SNX24: variants seen among roughly 807,000 people sequenced by gnomAD.
The protein encoded by SNX24 is sorting nexin 24, also known as sorting nexin-24.
In SNX24, 22 loss-of-function variants were observed where a neutral mutation model predicts 28.7. The ratio of observed to expected loss-of-function variants is 0.77; its 90% confidence interval spans 0.55 to 1.10. The LOEUF (loss-of-function observed/expected upper bound fraction) is 1.10, where lower values mean the gene tolerates loss of function less well. SNX24 is among the 50% of genes least tolerant of loss of function. SNX24 has a pLI of 0.00. For missense variants in SNX24, 221 were observed against 201.1 expected, an observed-to-expected ratio of 1.10 and a Z score of -0.60; for synonymous variants, 69 against 71.5, an observed-to-expected ratio of 0.96 and a Z score of 0.18.
At chr5:122,848,866 C>T (rs1650318922) in intron 1 of SNX24, among the ~76,000 whole-genome samples, 1 of 152,108 alleles carries the variant, frequency 6.6e-6, no homozygotes, top group Non-Finnish European at 1.5e-5. Context: ...GAATTTTTTC[C>T]TTGTGCTGTG....
chr5:123,025,618 C>T (rs1762839486), intron 5 of SNX24, among the ~76,000 whole-genome samples: 1 of 152,048 alleles, frequency 6.6e-6, no homozygotes, highest in African/African-American at 2.4e-5. Context: ...CGCCAATGAC[C>T]CTAAGAATTA....
chr5:122,994,678 T>C (rs1761989242), intron 3 of SNX24, among the ~76,000 whole-genome samples: 1 of 152,202 alleles, frequency 6.6e-6, no homozygotes, highest in Non-Finnish European at 1.5e-5. Context: ...CAGGGGCTGT[T>C]GGTGGTAATG....
At chr5:122,889,720 T>C (rs1756878912) in intron 1 of SNX24, among the ~76,000 whole-genome samples, 1 of 76,320 alleles carries the variant, frequency 1.3e-5, no homozygotes, top group Non-Finnish European at 2.2e-5. Context: ...TATATATATA[T>C]GTATGTGTAT....
chr5:122,864,479 C>CT (rs1755630867), intron 1 of SNX24, among the ~76,000 whole-genome samples: 1 of 152,208 alleles, frequency 6.6e-6, no homozygotes, highest in Non-Finnish European at 1.5e-5. Flanking sequence ...CAAGAGCCTG[C>CT]TGTGCAGGAA....
intron 1 of SNX24, among the ~76,000 whole-genome samples, chr5:122,852,464 C>T (rs889184958): frequency 6.6e-6 from 1 of 152,044 alleles, no homozygotes; most frequent in Non-Finnish European, 1.5e-5. Flanking sequence ...CCACCTCAGC[C>T]TCCCAAGTAG....
chr5:122,862,710 A>G (rs1755528740), intron 1 of SNX24, among the ~76,000 whole-genome samples: 1 of 151,928 alleles, frequency 6.6e-6, no homozygotes, highest in South Asian at 2.1e-4. Flanking sequence ...TTCAATAGGC[A>G]AAATGGAAGA....
chr5:123,001,424 T>C lies in SNX24; in HGVS notation c.364T>C (p.Ser122Pro). 4.4e-6 allele frequency: 7 copies of C among 1,606,274 alleles called. No individual in the cohort carries two copies. Among genetic ancestry groups the C allele is most frequent in the Non-Finnish European group, 6.0e-6 (7 of 1,173,880 alleles). Residue 122 changes from serine to proline, a missense_variant, in exon 5 of 7, where the codon TCT (serine) becomes CCT (proline). Transcript: ENST00000261369. ...ESCGSFDETESEESSKLSHQP... is the reference protein window; with the variant it reads ...ESCGSFDETEPEESSKLSHQP... The stretch of plus-strand genomic sequence containing the variant: ...TTTTAGATCTTTTGATGAAACAGAG[T>C]CTGAAGAGTCAAGGTAAGGACTAAT...
chr5:122,919,508 A>G (rs183888304), intron 1 of SNX24, among the ~76,000 whole-genome samples: 2 of 152,298 alleles, frequency 1.3e-5, no homozygotes, highest in East Asian at 3.9e-4. Flanking sequence ...GGAAGATTAT[A>G]GTAGCTTCTG....
chr5:122,995,543 G>A (rs374686003), intron 3 of SNX24, among the ~76,000 whole-genome samples: 2 of 152,110 alleles, frequency 1.3e-5, no homozygotes, highest in African/African-American at 4.8e-5. Context: ...GACACCATGT[G>A]GAAGGAACAC....
chr5:122,903,376 G>A (rs1298980376), intron 1 of SNX24, among the ~76,000 whole-genome samples: 2 of 152,156 alleles, frequency 1.3e-5, no homozygotes, highest in Non-Finnish European at 2.9e-5. Context: ...CTTTCAAGGT[G>A]TTAGGATTAC....
At chr5:122,922,317 A>G (rs951994459) in intron 1 of SNX24, among the ~76,000 whole-genome samples, 2 of 152,054 alleles carry the variant, frequency 1.3e-5, no homozygotes, top group African/African-American at 2.4e-5. Flanking sequence ...CAATGGTGCA[A>G]TCTCAGCTCA....
At chr5:122,862,526 C>T (rs1321769691) in intron 1 of SNX24, among the ~76,000 whole-genome samples, 1 of 149,456 alleles carries the variant, frequency 6.7e-6, no homozygotes, top group East Asian at 2.0e-4. Flanking sequence ...GGCGTGAACC[C>T]AGGAGGCAGA....
intron 1 of SNX24, among the ~76,000 whole-genome samples, chr5:122,913,329 G>A (rs543270529): frequency 1.2e-4 from 18 of 151,904 alleles, no homozygotes; most frequent in Non-Finnish European, 2.1e-4. Context: ...CAGACGGGGC[G>A]GCTGGCCGGG....
intron 1 of SNX24, among the ~76,000 whole-genome samples, chr5:122,873,478 G>C (rs1167180067): frequency 6.6e-6 from 1 of 152,084 alleles, no homozygotes; most frequent in Non-Finnish European, 1.5e-5. Context: ...CTGGGTCCTT[G>C]GTAGGGCCTG....
chr5:122,932,605 CA>C, intron 1 of SNX24, among the ~76,000 whole-genome samples: 1 of 152,330 alleles, frequency 6.6e-6, no homozygotes, highest in African/African-American at 2.4e-5. Context: ...TGCAGTGGCT[CA>C]CGCCTGTAAT....
At chr5:122,970,554 C>T (rs1454017739) in intron 3 of SNX24, among the ~76,000 whole-genome samples, 2 of 152,146 alleles carry the variant, frequency 1.3e-5, no homozygotes, top group Non-Finnish European at 2.9e-5. Flanking sequence ...CTGCAAGCCC[C>T]GCCACCAGGG....
At chr5:122,971,194 T>A (rs1293407080) in intron 3 of SNX24, among the ~76,000 whole-genome samples, 2 of 152,180 alleles carry the variant, frequency 1.3e-5, no homozygotes, top group African/African-American at 4.8e-5. Context: ...TGGAGTCTGA[T>A]GTTTAAGGGC....
At chr5:122,871,869 TC>T (rs1212552483) in intron 1 of SNX24, among the ~76,000 whole-genome samples, 1 of 152,130 alleles carries the variant, frequency 6.6e-6, no homozygotes, top group East Asian at 1.9e-4. Flanking sequence ...TAGACTTGAT[TC>T]CACATTCTGG....
At chr5:122,921,136 G>T (rs1758413630) in intron 1 of SNX24, among the ~76,000 whole-genome samples, 1 of 151,712 alleles carries the variant, frequency 6.6e-6, no homozygotes, top group African/African-American at 2.4e-5. Context: ...AAACAAAAAT[G>T]GACTCTGTAG....
Sources: allele counts gnomAD v4.1 joint callset (sites outside exome capture counted in the v4.1 genomes callset), GRCh38; gene constraint gnomAD v4.1.1; transcripts MANE v1.5; gene names NCBI Gene and HGNC (gene_info 2026-07-23, HGNC 2026-07-21).